FUT8: variants seen among roughly 807,000 people sequenced by gnomAD.
FUT8 encodes the protein fucosyltransferase 8, also known as alpha-(1,6)-fucosyltransferase.
In FUT8, 29 loss-of-function variants were observed where a neutral mutation model predicts 71.3. That is an observed-to-expected ratio of 0.41 (90% confidence interval 0.30 to 0.55). The LOEUF (loss-of-function observed/expected upper bound fraction) is 0.55. Ranked by LOEUF, FUT8 falls within the 20% of genes least tolerant of loss-of-function variation. FUT8 has a pLI of 0.34. For missense variants in FUT8, 544 were observed against 702.1 expected (o/e 0.77, Z 2.55); for synonymous variants, 254 against 239.3 (o/e 1.06, Z -0.57).
intron 1 of FUT8, among the ~76,000 whole-genome samples, chr14:65,445,123 C>G (rs1408048291): frequency 6.6e-6 from 1 of 152,106 alleles, no homozygotes; most frequent in African/African-American, 2.4e-5. Flanking sequence ...AGAGAATTGC[C>G]TAAACCTGCG....
chr14:65,491,827 A>G (rs1462670549), intron 2 of FUT8, among the ~76,000 whole-genome samples: 1 of 152,152 alleles, frequency 6.6e-6, no homozygotes, highest in African/African-American at 2.4e-5. Context: ...AATTTTATAT[A>G]GGGAGGCTAT....
intron 3 of FUT8, among the ~76,000 whole-genome samples, chr14:65,597,699 A>G (rs893972960): frequency 1.4e-5 from 2 of 141,024 alleles, no homozygotes; most frequent in Admixed American, 7.2e-5. Flanking sequence ...AAAGTCCATG[A>G]TAGTGTAACA....
intron 2 of FUT8, among the ~76,000 whole-genome samples, chr14:65,556,716 A>G (rs1253827379): frequency 1.3e-5 from 2 of 152,242 alleles, no homozygotes; most frequent in Non-Finnish European, 2.9e-5. Flanking sequence ...GCTGCCTACA[A>G]CAGCATGTGG....
chr14:65,628,673 A>G (rs1263999960), intron 5 of FUT8, among the ~76,000 whole-genome samples: 1 of 152,232 alleles, frequency 6.6e-6, no homozygotes, highest in Non-Finnish European at 1.5e-5. Flanking sequence ...TAGCAGCCCT[A>G]AAGTTTCTCT....
chr14:65,402,392 G>A, the FUT8 span, among the ~76,000 whole-genome samples: 3 of 151,808 alleles, frequency 2.0e-5, no homozygotes, highest in Non-Finnish European at 4.4e-5. Flanking sequence ...TCTGGGGCTG[G>A]GCGTGGTGGC....
rs7159582 is a variant in FUT8 at position 65,467,579 on chromosome 14, C to T, written c.-228+11861C>T. ...GCAACCTCCACCTCCTGGGTTCAAG[C>T]GATCCTCCTGCCTCAGCCTCCTGAG... is the stretch of plus-strand genomic sequence containing the variant. On this transcript the variant is annotated intron_variant, in intron 2 of 10. Transcript: ENST00000673929. This position sits in a 1 kb window ranked among gnomAD's most constrained non-coding sequence, Gnocchi z 4.1. Among the ~76,000 whole-genome samples, 10,102 of 152,194 alleles carry T rather than the reference C, an allele frequency of 0.066. 386 individuals are homozygous for T. The highest frequency in any genetic ancestry group is 0.11 in the Admixed American group (1,709 of 15,302).
At chr14:65,536,369 G>A (rs1338216144) in intron 2 of FUT8, among the ~76,000 whole-genome samples, 2 of 152,154 alleles carry the variant, frequency 1.3e-5, no homozygotes, top group Non-Finnish European at 2.9e-5. Context: ...GTACTTCAGT[G>A]TGTTTTTGTA....
intron 3 of FUT8, among the ~76,000 whole-genome samples, chr14:65,592,889 A>G (rs1270106678): frequency 1.3e-5 from 2 of 152,164 alleles, no homozygotes; most frequent in Admixed American, 6.5e-5. Flanking sequence ...CTTTCATTCA[A>G]TAGACATTTC....
chr14:65,669,492 G>C lies in FUT8; in HGVS notation c.835+12G>C, dbSNP rs148265752. On this transcript the variant is annotated intron_variant, in intron 7 of 10. Coordinates refer to ENST00000673929, the MANE Select transcript of FUT8 (RefSeq NM_001371533.1). The surrounding 1 kb of genome is among the most constrained non-coding windows in gnomAD (Gnocchi z 4.5). ...TGGACACTGGTCAGGTAAGGAGCTT[G>C]TGCAGCATATGAGATCTCTGGGCTG... The C allele has an allele frequency of 1.9e-6, 3 of 1,577,346 alleles. No homozygotes were observed. Among genetic ancestry groups the C allele is most frequent in the African/African-American group, 2.7e-5 (2 of 74,384 alleles).
intron 3 of FUT8, among the ~76,000 whole-genome samples, chr14:65,567,868 C>G (rs7158153): frequency 1.3e-5 from 2 of 151,580 alleles, no homozygotes; most frequent in Non-Finnish European, 3.0e-5. Context: ...TATAAATGAG[C>G]TGTTTATTTA....
upstream of FUT8, among the ~76,000 whole-genome samples, chr14:65,409,233 C>A (rs992424674): frequency 6.6e-6 from 1 of 152,174 alleles, no homozygotes; most frequent in South Asian, 2.1e-4. This position sits in a 1 kb window ranked among gnomAD's most constrained non-coding sequence, Gnocchi z 5.4. Flanking sequence ...GCTAGAGCAA[C>A]AATTATAAAA....
chr14:65,414,042 C>A (rs1007267087), intron 1 of FUT8, among the ~76,000 whole-genome samples: 2 of 152,090 alleles, frequency 1.3e-5, no homozygotes, highest in Non-Finnish European at 2.9e-5. Flanking sequence ...GTTAAAGGCA[C>A]GGACAGGTGG....
intron 7 of FUT8, among the ~76,000 whole-genome samples, chr14:65,681,703 T>G (rs571196281): frequency 6.6e-6 from 1 of 152,336 alleles, no homozygotes; most frequent in African/African-American, 2.4e-5. Flanking sequence ...ACTGCTCAGT[T>G]CAGGCACTAT....
the FUT8 span, among the ~76,000 whole-genome samples, chr14:65,357,262 C>CAA: frequency 5.3e-5 from 8 of 152,236 alleles, no homozygotes; most frequent in African/African-American, 1.9e-4. Context: ...GCTGTAGTTA[C>CAA]TGTTGTTGCT....
chr14:65,611,191 ACACACACGCGCG>A (rs1254412706), intron 3 of FUT8, among the ~76,000 whole-genome samples: 1 of 6,094 alleles, frequency 1.6e-4, no homozygotes, highest in African/African-American at 6.0e-4. Context: ...TCATACACAC[ACACACACGCGCG>A]CGCGCGCGCG....
intron 2 of FUT8, among the ~76,000 whole-genome samples, chr14:65,473,311 G>A (rs1328587831): frequency 1.3e-5 from 2 of 152,044 alleles, no homozygotes; most frequent in African/African-American, 2.4e-5. Flanking sequence ...GTTTTCAGAA[G>A]TCTGTCTCTC....
At chr14:65,524,234 C>T (rs1203298167) in intron 2 of FUT8, among the ~76,000 whole-genome samples, 2 of 152,086 alleles carry the variant, frequency 1.3e-5, no homozygotes, top group African/African-American at 2.4e-5. Context: ...TTGTTTATGT[C>T]CTCTTTTATT....
intron 2 of FUT8, among the ~76,000 whole-genome samples, chr14:65,501,525 A>G (rs1181270003): frequency 1.3e-5 from 2 of 152,196 alleles, no homozygotes; most frequent in Admixed American, 6.5e-5. Context: ...TGGAGGATCT[A>G]TGCTGGGCAA....
chr14:65,593,399 G>A (rs1170012263), intron 3 of FUT8, among the ~76,000 whole-genome samples: 1 of 152,044 alleles, frequency 6.6e-6, no homozygotes, highest in Non-Finnish European at 1.5e-5. Context: ...ATTTTCTTTT[G>A]TTCTTGAAAT....
Sources: gnomAD v4.1 joint callset for allele counts (sites outside exome capture counted in the v4.1 genomes callset) on GRCh38, gnomAD v4.1.1 for gene constraint, Gnocchi (gnomAD v3.1) non-coding constraint, MANE v1.5 for transcripts, NCBI Gene and HGNC (gene_info 2026-07-23, HGNC 2026-07-21) for gene names.